Variants in PLCB4 observed in about 807,000 individuals in gnomAD.
PLCB4 encodes the protein 1-phosphatidylinositol 4,5-bisphosphate phosphodiesterase beta-4.
A neutral mutation model predicts 178.8 loss-of-function variants in PLCB4; 77 were observed. The ratio of observed to expected loss-of-function variants is 0.43; its 90% CI spans 0.36 to 0.52. PLCB4 has a LOEUF of 0.52. PLCB4 is among the 20% of genes least tolerant of loss of function. The pLI is 0.00. For synonymous variants in PLCB4, 496 were observed against 490.8 expected (o/e 1.01, Z -0.14); for missense variants, 1,024 against 1,453.4 (o/e 0.70, Z 4.80).
intron 2 of PLCB4, among the ~76,000 whole-genome samples, chr20:9,196,984 A>T (rs191126745): frequency 6.6e-6 from 1 of 152,350 alleles, no homozygotes; most frequent in East Asian, 1.9e-4. Context: ...AGAAAGCAAG[A>T]TGCTCAGTGT....
At chr20:9,231,539 C>A (rs5011374) in intron 3 of PLCB4, among the ~76,000 whole-genome samples, 91,522 of 151,978 alleles carry the variant, frequency 0.6, 29,677 homozygotes, top group African/African-American at 0.85. Context: ...TTATATAAAA[C>A]ATGATGTATA....
At chr20:9,408,169 T>TC (rs1405377517) in intron 22 of PLCB4, 111 bp downstream of exon 22, 1 of 857,798 alleles carries the variant, frequency 1.2e-6, no homozygotes, top group Non-Finnish European at 1.8e-6. Context: ...TGGGGGCTGT[T>TC]CCACCTCACC....
chr20:9,093,757 A>G (rs1342731556), intron 1 of PLCB4, among the ~76,000 whole-genome samples: 1 of 152,008 alleles, frequency 6.6e-6, no homozygotes. Context: ...GGCGAGGGTC[A>G]GGTTTCCAGT....
chr20:9,259,253 C>A (rs1484885173), intron 3 of PLCB4, among the ~76,000 whole-genome samples: 1 of 152,176 alleles, frequency 6.6e-6, no homozygotes, highest in Non-Finnish European at 1.5e-5. Context: ...TATTGCATGG[C>A]TTTCTCTCTG....
chr20:9,146,115 CA>C (rs1222865998), intron 2 of PLCB4, among the ~76,000 whole-genome samples: 6 of 152,076 alleles, frequency 3.9e-5, no homozygotes, highest in African/African-American at 1.4e-4. Flanking sequence ...TACCAGCTAA[CA>C]TGGCCCTGTG....
chr20:9,285,499 C>T (rs1355281747), intron 3 of PLCB4, among the ~76,000 whole-genome samples: 1 of 151,872 alleles, frequency 6.6e-6, no homozygotes, highest in Non-Finnish European at 1.5e-5. Context: ...GAAATCTTGG[C>T]CCTCTTTTAT....
At chr20:9,090,908 G>A (rs1308913325) in intron 1 of PLCB4, among the ~76,000 whole-genome samples, 1 of 152,122 alleles carries the variant, frequency 6.6e-6, no homozygotes, top group Non-Finnish European at 1.5e-5. Context: ...GAAGCCTATT[G>A]CAATATACAT....
intron 2 of PLCB4, among the ~76,000 whole-genome samples, chr20:9,101,283 G>A (rs995345030): frequency 4.6e-5 from 7 of 152,068 alleles, no homozygotes; most frequent in Non-Finnish European, 8.8e-5. Context: ...AGGCTCTATC[G>A]TCCTCTTTCC....
intron 3 of PLCB4, among the ~76,000 whole-genome samples, chr20:9,253,361 C>T (rs1418528884): frequency 6.6e-6 from 1 of 152,170 alleles, no homozygotes; most frequent in Non-Finnish European, 1.5e-5. Flanking sequence ...GCAGTTTCCT[C>T]ATTCTTCACC....
intron 1 of PLCB4, among the ~76,000 whole-genome samples, chr20:9,090,317 A>G (rs570911488): frequency 3.9e-5 from 6 of 151,992 alleles, no homozygotes; most frequent in Admixed American, 2.0e-4. Context: ...TTATCTTTCC[A>G]AAGAGAATCG....
chr20:9,165,429 CACAATATCA>C (rs1352944259), intron 2 of PLCB4, among the ~76,000 whole-genome samples: 1 of 152,112 alleles, frequency 6.6e-6, no homozygotes, highest in Non-Finnish European at 1.5e-5. Context: ...GAAAACTTGT[CACAATATCA>C]GCTTGGTGGA....
At chr20:9,233,591 C>T (rs531703565) in intron 3 of PLCB4, among the ~76,000 whole-genome samples, 1 of 152,096 alleles carries the variant, frequency 6.6e-6, no homozygotes, top group Non-Finnish European at 1.5e-5. Flanking sequence ...AATGTTTGAG[C>T]TTAGATCCAA....
At chr20:9,305,383 T>C (rs2094753985) in intron 3 of PLCB4, among the ~76,000 whole-genome samples, 1 of 152,102 alleles carries the variant, frequency 6.6e-6, no homozygotes, top group African/African-American at 2.4e-5. Flanking sequence ...TTCCTACTGA[T>C]GTCTAGAGTT....
intron 33 of PLCB4, 136 bp downstream of exon 33, chr20:9,453,598 G>A: frequency 1.7e-6 from 1 of 593,778 alleles, no homozygotes; most frequent in Non-Finnish European, 3.0e-6. Context: ...TTCCTGGGAA[G>A]TAAGAAACTC....
intron 7 of PLCB4, among the ~76,000 whole-genome samples, chr20:9,358,410 G>A (rs190839176): frequency 1.1e-3 from 173 of 152,320 alleles, no homozygotes; most frequent in Non-Finnish European, 1.4e-3. Flanking sequence ...AACTTGGAGA[G>A]TGCCACAGGG....
intron 3 of PLCB4, among the ~76,000 whole-genome samples, chr20:9,258,017 AG>A (rs1193845710): frequency 6.6e-6 from 1 of 152,140 alleles, no homozygotes; most frequent in African/African-American, 2.4e-5. Context: ...AAGAACCAAG[AG>A]TTGGAAAAAA....
intron 3 of PLCB4, among the ~76,000 whole-genome samples, chr20:9,296,781 T>C (rs956247957): frequency 6.6e-6 from 1 of 152,060 alleles, no homozygotes; most frequent in Non-Finnish European, 1.5e-5. Flanking sequence ...CACCGCATGT[T>C]CTCACTTATA....
rs1214827410 is a variant in PLCB4 at position 9,362,879 on chromosome 20, TTTTC to T, written c.370-11_370-8del. Reference sequence around the variant, plus strand: ...AGCAGATTTGCTCACCAAGAATATTTTTTCTTTCTCTTTCAGCAATGGGTAGAAG... The same window carrying T: ...AGCAGATTTGCTCACCAAGAATATTTTTTCTCTTTCAGCAATGGGTAGAAG... On this transcript the variant is annotated splice_polypyrimidine_tract_variant and intron_variant, in intron 7 of 39. Coordinates refer to ENST00000378473, the MANE Select transcript of PLCB4 (RefSeq NM_001377142.1). The T allele has an allele frequency of 1.3e-6, 2 of 1,584,466 alleles. No homozygotes were observed. The highest frequency in any genetic ancestry group is 2.2e-5 in the South Asian group (2 of 90,106).
chr20:9,448,099 G>A (rs2042526529), intron 32 of PLCB4, among the ~76,000 whole-genome samples: 2 of 152,096 alleles, frequency 1.3e-5, no homozygotes, highest in South Asian at 2.1e-4. Flanking sequence ...AAATTTTGAG[G>A]ACTGTTTTTT....
Sources: gnomAD v4.1 joint callset for allele counts (sites outside exome capture counted in the v4.1 genomes callset) on GRCh38, gnomAD v4.1.1 for gene constraint, MANE v1.5 for transcripts, NCBI Gene and HGNC (gene_info 2026-07-23, HGNC 2026-07-21) for gene names.